Variants in PTPRD observed in about 807,000 individuals in gnomAD.
The protein encoded by PTPRD is protein tyrosine phosphatase receptor type D.
PTPRD carries 34 observed loss-of-function variants against 214.5 expected under a neutral mutation model. That is an observed-to-expected ratio of 0.16 (90% confidence interval 0.12 to 0.21). The LOEUF is 0.21. Among genes scored for constraint, PTPRD ranks in the 10% least tolerant of loss-of-function variants. PTPRD has a pLI of 1.00. For missense variants in PTPRD, 2,545 were observed against 2,398.7 expected, an observed-to-expected ratio of 1.06 and a Z score of -1.27; for synonymous variants, 1,128 against 845.7, an observed-to-expected ratio of 1.33 and a Z score of -5.79.
intron 5 of PTPRD, among the ~76,000 whole-genome samples, chr9:9,790,485 C>G (rs1157678448): frequency 6.6e-6 from 1 of 152,184 alleles, no homozygotes; most frequent in Admixed American, 6.5e-5. Flanking sequence ...CAATTCCCTT[C>G]TGCCTGATTT....
chr9:8,465,367 T>C (rs1172335436), intron 32 of PTPRD, 99 bp downstream of exon 32: 58 of 1,080,548 alleles, frequency 5.4e-5, no homozygotes, highest in Non-Finnish European at 6.7e-5. Flanking sequence ...TCATGAGAAA[T>C]AATGAGGATG....
At chr9:10,526,967 T>A (rs963279625) in intron 2 of PTPRD, among the ~76,000 whole-genome samples, 1 of 152,126 alleles carries the variant, frequency 6.6e-6, no homozygotes, top group Non-Finnish European at 1.5e-5. Flanking sequence ...CAGTTTCTCC[T>A]TTCTAACTAC....
At chr9:9,850,959 A>G (rs149029368) in intron 5 of PTPRD, among the ~76,000 whole-genome samples, 85 of 152,314 alleles carry the variant, frequency 5.6e-4, no homozygotes, top group African/African-American at 1.7e-3. Context: ...CAAAGCTACA[A>G]TGATTATCTT....
At chr9:9,326,030 C>T (rs1328126305) in intron 9 of PTPRD, among the ~76,000 whole-genome samples, 1 of 151,868 alleles carries the variant, frequency 6.6e-6, no homozygotes, top group East Asian at 1.9e-4. Context: ...GCCTTGCATC[C>T]CAGGGATGAA....
intron 3 of PTPRD, among the ~76,000 whole-genome samples, chr9:10,225,791 C>T (rs910961966): frequency 6.6e-6 from 1 of 151,968 alleles, no homozygotes; most frequent in African/African-American, 2.4e-5. Flanking sequence ...TTTTGAAGAA[C>T]TAATGTTCAT....
chr9:10,034,339 T>C (rs2154134799), intron 3 of PTPRD, among the ~76,000 whole-genome samples: 1 of 151,994 alleles, frequency 6.6e-6, no homozygotes, highest in South Asian at 2.1e-4. Context: ...GCTAAATCAT[T>C]TCTTGCACAT....
chr9:8,764,939 G>C (rs1037690346), intron 11 of PTPRD, among the ~76,000 whole-genome samples: 1 of 151,990 alleles, frequency 6.6e-6, no homozygotes, highest in East Asian at 1.9e-4. Context: ...TACATTTAAT[G>C]AGTTATAATT....
intron 3 of PTPRD, among the ~76,000 whole-genome samples, chr9:10,242,932 G>C (rs909934038): frequency 6.6e-6 from 1 of 151,244 alleles, no homozygotes; most frequent in Non-Finnish European, 1.5e-5. Context: ...AGAGAGGGAG[G>C]GAGGGAGGGA....
At chr9:8,828,931 T>A (rs1601159508) in intron 11 of PTPRD, among the ~76,000 whole-genome samples, 1 of 152,142 alleles carries the variant, frequency 6.6e-6, no homozygotes, top group Non-Finnish European at 1.5e-5. Context: ...TGGACAACAG[T>A]GTTCCATAAA....
At position 10,065,475 on chromosome 9, in the gene PTPRD, C is replaced by T. The variant is rs1433565449; in HGVS notation, c.-544-31685G>A. On this transcript the variant is annotated intron_variant, in intron 3 of 45. Transcript: ENST00000381196. ...TTTTATTTTTTTTCTTGGGAGAAGG[C>T]CTATTTTATTTGCTTGCACCACTAG... Among the ~76,000 whole-genome samples the T allele has an allele frequency of 4.0e-5, 6 of 151,592 alleles. No homozygotes were observed. In the East Asian group the frequency reaches 1.2e-3, roughly 29 times the overall value.
At chr9:10,534,058 T>C (rs958948400) in intron 2 of PTPRD, among the ~76,000 whole-genome samples, 5 of 151,756 alleles carry the variant, frequency 3.3e-5, no homozygotes, top group Admixed American at 1.3e-4. Flanking sequence ...GAAACCAATT[T>C]CACTGAAAGT....
At chr9:8,507,523 G>T in intron 21 of PTPRD, 89 bp from the exon 22 acceptor site, 1 of 1,513,032 alleles carries the variant, frequency 6.6e-7, no homozygotes, top group Non-Finnish European at 9.1e-7. Flanking sequence ...TAAACCTTTC[G>T]AAATCTGTAC....
intron 3 of PTPRD, among the ~76,000 whole-genome samples, chr9:10,214,266 C>A (rs1023028943): frequency 1.3e-5 from 2 of 151,502 alleles, no homozygotes; most frequent in African/African-American, 2.4e-5. Context: ...GCAATTAATT[C>A]TTTTTGTTTG....
intron 3 of PTPRD, among the ~76,000 whole-genome samples, chr9:10,132,166 T>G (rs78560298): frequency 1.3e-5 from 2 of 152,138 alleles, no homozygotes; most frequent in African/African-American, 4.8e-5. Flanking sequence ...TGTGATCTTT[T>G]TGTAGATTAT....
intron 7 of PTPRD, among the ~76,000 whole-genome samples, chr9:9,601,125 G>GTC (rs1195201068): frequency 8.1e-6 from 1 of 123,550 alleles, no homozygotes; most frequent in East Asian, 2.1e-4. Flanking sequence ...GTGTGTGTGT[G>GTC]TGTGTGTGTG....
chr9:8,464,744 G>A (rs1345826080), intron 32 of PTPRD, among the ~76,000 whole-genome samples: 1 of 150,012 alleles, frequency 6.7e-6, no homozygotes, highest in Non-Finnish European at 1.5e-5. Context: ...CAAAGTAACT[G>A]AAGCATAAAA....
Position 9,334,095 on chromosome 9 carries a change from G to A in PTPRD, c.-203+63354C>T, listed in dbSNP as rs577688256. ...ATGCCTAAGTGTATATGCCCGTAAT[G>A]TATACTTCATATTAAGTTTTATCAG... On this transcript the variant is annotated intron_variant, in intron 9 of 45. Coordinates refer to ENST00000381196, the MANE Select transcript of PTPRD (RefSeq NM_002839.4). Among the ~76,000 whole-genome samples the A allele has an allele frequency of 2.0e-5, 3 of 151,884 alleles. No individual in the cohort carries two copies. The South Asian group carries it at 6.2e-4, about 32-fold the overall frequency.
intron 9 of PTPRD, among the ~76,000 whole-genome samples, chr9:9,268,377 A>T (rs1190605840): frequency 4.0e-5 from 6 of 151,186 alleles, no homozygotes; most frequent in Admixed American, 2.6e-4. Flanking sequence ...GCAAGTATAT[A>T]AAAAAATAGC....
chr9:10,093,805 G>C (rs1341288833), intron 3 of PTPRD, among the ~76,000 whole-genome samples: 1 of 151,340 alleles, frequency 6.6e-6, no homozygotes. Flanking sequence ...TGCAGCTGGA[G>C]ACCATTACCA....
Sources: allele counts gnomAD v4.1 joint callset (sites outside exome capture counted in the v4.1 genomes callset), GRCh38; gene constraint gnomAD v4.1.1; transcripts MANE v1.5; gene names NCBI Gene and HGNC (gene_info 2026-07-23, HGNC 2026-07-21).